C5orf34: variants seen among roughly 807,000 people sequenced by gnomAD.
C5orf34 encodes the protein uncharacterized protein C5orf34.
In C5orf34, 73 loss-of-function variants were observed where a neutral mutation model predicts 78.4. The observed-to-expected ratio is 0.93, with a 90% CI of 0.77 to 1.13. The LOEUF is 1.13. C5orf34 is among the 50% of genes most tolerant of loss of function. C5orf34 has a pLI of 0.00. For missense variants in C5orf34, 730 were observed against 732.7 expected (o/e 1.00, Z 0.04); for synonymous variants, 251 against 246.6 (o/e 1.02, Z -0.17).
At position 43,492,898 on chromosome 5, in the gene C5orf34, C is replaced by T; in HGVS notation, c.1315-8G>A. 6.4e-7 allele frequency: 1 copy of T among 1,553,664 alleles called. No homozygotes were observed. The highest frequency in any genetic ancestry group is 1.2e-5 in the South Asian group (1 of 85,450). On this transcript the variant is annotated splice_polypyrimidine_tract_variant and splice_region_variant and intron_variant, in intron 8 of 12. Transcript: ENST00000306862. ...ATCATTTATCCCAGGTACCTAAAAC[C>T]AAGTAAATAAAAATAGCAGGAAATA...
chr5:43,501,436 G>A (rs1023227264), intron 6 of C5orf34, among the ~76,000 whole-genome samples: 4 of 152,154 alleles, frequency 2.6e-5, no homozygotes, highest in Admixed American at 6.5e-5. Context: ...AAGAGTTACT[G>A]TTCAATTAAT....
chr5:43,511,791 A>G (rs535800606), intron 1 of C5orf34, among the ~76,000 whole-genome samples: 154 of 152,286 alleles, frequency 1.0e-3, no homozygotes, highest in South Asian at 7.7e-3. Flanking sequence ...GATTAAGGGC[A>G]GTGCAAGATG....
chr5:43,492,845 CTT>C lies in C5orf34; in HGVS notation c.1358_1359del (p.Lys453ArgfsTer15). ...CTTCCCACACTGGGTATGAGTGACT[CTT>C]TCAAAACCAAAGGCAGTATATTGCT... ...NDSNILPLVLKESLIPSVGRF... is the reference protein window; with the variant it reads ...NDSNILPLVLXESLIPSVGRF... On this transcript the variant is annotated frameshift_variant, in exon 9 of 13. Transcript: ENST00000306862. LOFTEE classifies it high-confidence loss of function. 6.2e-7 allele frequency: 1 copy of C among 1,610,958 alleles called. No individual in the cohort carries two copies. The highest frequency in any genetic ancestry group is 8.5e-7 in the Non-Finnish European group (1 of 1,177,860).
chr5:43,506,317 G>A lies in C5orf34; in HGVS notation c.363C>T (p.Gly121=), dbSNP rs370649137. ...CATCTAAAGATGTTATCTTCACAAT[G>A]CCACTCTCCATATATATCATGGTAC... ...TDGTMIYMES[G]IVKITSLDGH... The change falls in exon 4 of 13, where the codon GGC becomes GGT. Residue 121 remains glycine (G), a synonymous_variant. Coordinates refer to ENST00000306862, the MANE Select transcript of C5orf34 (RefSeq NM_198566.4). 2.6e-5 allele frequency: 42 copies of A among 1,613,980 alleles called. No individual in the cohort carries two copies. In the African/African-American group the frequency reaches 5.1e-4, roughly 19 times the overall value.
At chr5:43,495,284 T>A in intron 6 of C5orf34, 1 of 1,608,434 alleles carries the variant, frequency 6.2e-7, no homozygotes, top group Non-Finnish European at 8.5e-7. Context: ...CTTCAAGAAT[T>A]TAGGGCCATC....
At chr5:43,493,732 T>C (rs1579857982) in intron 7 of C5orf34, 120 bp from the exon 8 acceptor site, 2 of 586,650 alleles carry the variant, frequency 3.4e-6, no homozygotes, top group Non-Finnish European at 6.0e-6. Flanking sequence ...CTGAAATGTG[T>C]TGGGAACTCT....
Position 43,506,293 on chromosome 5 carries a change from A to G in C5orf34, c.387T>C (p.Asp129=), listed in dbSNP as rs1293759996. ...ESGIVKITSL[D]GHAYLCLPRS... ...TGGGCAGGCAGAGGTATGCATGACC[A>G]TCTAAAGATGTTATCTTCACAATGC... The change falls in exon 4 of 13, where the codon GAT becomes GAC. Residue 129 remains aspartate (D), a synonymous_variant. Coordinates refer to ENST00000306862, the MANE Select transcript of C5orf34 (RefSeq NM_198566.4). 6.2e-7 allele frequency: 1 copy of G among 1,614,194 alleles called. No homozygotes were observed. The highest frequency in any genetic ancestry group is 1.1e-5 in the South Asian group (1 of 91,082).
At position 43,495,455 on chromosome 5, in the gene C5orf34, A is replaced by G. The variant is rs1052146853; in HGVS notation, c.1153-854T>C. 5.6e-6 allele frequency: 9 copies of G among 1,610,614 alleles called. No individual in the cohort carries two copies. The African/African-American group carries it at 9.4e-5, about 17-fold the overall frequency. ...CTGAGCAATGAAGTCAGCTGTTTCC[A>G]TTGGTGGGTCATTTTTGCTGTCACC... On this transcript the variant is annotated intron_variant, in intron 6 of 12. Transcript: ENST00000306862.
At chr5:43,503,793 G>T in intron 4 of C5orf34, 33 bp from the exon 5 acceptor site, 1 of 1,401,870 alleles carries the variant, frequency 7.1e-7, no homozygotes. Flanking sequence ...TATTACTTCT[G>T]GTTGCTCAAT....
chr5:43,505,793 AG>A lies in C5orf34; in HGVS notation c.886del (p.Leu296PhefsTer36), dbSNP rs1180152082. 1 of 1,604,808 alleles carries A rather than the reference AG, an allele frequency of 6.2e-7. No homozygotes were observed. The highest frequency in any genetic ancestry group is 1.3e-5 in the African/African-American group (1 of 74,912). On this transcript the variant is annotated frameshift_variant, in exon 4 of 13. Transcript: ENST00000306862. LOFTEE classifies it high-confidence loss of function. ...SEERGKVVSV[L>X]PRALSLSCPV... ...ACAGCTGAGTGACAGGGCCCTGGGA[AG>A]AACAGAAACCACTTTTCCTCTTTCC...
chr5:43,505,940 C>T lies in C5orf34; in HGVS notation c.740G>A (p.Cys247Tyr). 1 of 1,614,182 alleles carries T rather than the reference C, an allele frequency of 6.2e-7. No individual in the cohort carries two copies. Among genetic ancestry groups the T allele is most frequent in the Non-Finnish European group, 8.5e-7 (1 of 1,180,022 alleles). ...WVKQCWSVAA[C>Y]PEEWKYPLSL... is the part of the protein sequence containing the mutation. ...CAAAGGATATTTCCATTCCTCTGGA[C>T]AGGCAGCCACAGACCAGCACTGCTT... is the stretch of plus-strand genomic sequence containing the variant. Residue 247 changes from cysteine (C) to tyrosine (Y), a missense_variant, in exon 4 of 13, where the codon TGT becomes TAT. Transcript: ENST00000306862.
chr5:43,499,211 C>A (rs1745662229), intron 6 of C5orf34, among the ~76,000 whole-genome samples: 1 of 152,128 alleles, frequency 6.6e-6, no homozygotes, highest in Non-Finnish European at 1.5e-5. Context: ...AGATAGAAAT[C>A]TGAGTGACAA....
At chr5:43,491,038 AGTT>A (rs1053166744) in intron 10 of C5orf34, among the ~76,000 whole-genome samples, 2 of 152,202 alleles carry the variant, frequency 1.3e-5, no homozygotes, top group African/African-American at 4.8e-5. Flanking sequence ...TAATTCTTTT[AGTT>A]TTTCAAAGTA....
At chr5:43,492,134 CACTT>C in intron 10 of C5orf34, 77 bp downstream of exon 10, 4 of 881,324 alleles carry the variant, frequency 4.5e-6, no homozygotes, top group South Asian at 1.6e-5. Flanking sequence ...ATATATATAA[CACTT>C]AAATAATGCT....
At chr5:43,495,366 C>T (rs1161323086) in intron 6 of C5orf34, 81 of 1,611,688 alleles carry the variant, frequency 5.0e-5, no homozygotes, top group Non-Finnish European at 6.2e-5. Context: ...ATGTGAGCCG[C>T]GTGGCAATCC....
intron 1 of C5orf34, among the ~76,000 whole-genome samples, chr5:43,513,297 C>T (rs962810709): frequency 5.3e-5 from 8 of 151,974 alleles, no homozygotes; most frequent in African/African-American, 1.4e-4. Flanking sequence ...CCTGCTAGAC[C>T]GCTCTCTATG....
At chr5:43,496,393 G>T in intron 6 of C5orf34, 1 of 1,595,918 alleles carries the variant, frequency 6.3e-7, no homozygotes, top group South Asian at 1.1e-5. Flanking sequence ...AGTAGTGGTG[G>T]ACTTGCCCGA....
In C5orf34 at chr5:43,495,325, CT is replaced by C. The variant is rs1745458613; in HGVS notation, c.1153-725del. On this transcript the variant is annotated intron_variant, in intron 6 of 12. Transcript: ENST00000306862. ...GCTTTTTACCAGAACCGCGATCAATCTTTTCCTTCAGCTCAGCAAACTTGCA... is the reference window on the plus strand; with the variant it reads ...GCTTTTTACCAGAACCGCGATCAATCTTTCCTTCAGCTCAGCAAACTTGCA... The C allele has an allele frequency of 2.5e-6, 4 of 1,611,660 alleles. No homozygotes were observed. In the Admixed American group the frequency reaches 6.7e-5, roughly 27 times the overall value.
chr5:43,513,197 C>G (rs1561220249), intron 1 of C5orf34, among the ~76,000 whole-genome samples: 1 of 152,126 alleles, frequency 6.6e-6, no homozygotes, highest in African/African-American at 2.4e-5. Context: ...ACCACATGGT[C>G]TCTCCTGAGG....
Sources: gnomAD v4.1 joint callset for allele counts (sites outside exome capture counted in the v4.1 genomes callset) on GRCh38, gnomAD v4.1.1 for gene constraint, MANE v1.5 for transcripts, NCBI Gene and HGNC (gene_info 2026-07-23, HGNC 2026-07-21) for gene names.